ADGRL3: variants seen among roughly 807,000 people sequenced by gnomAD.
The protein encoded by ADGRL3 is adhesion G protein-coupled receptor L3, also known as calcium-independent alpha-latrotoxin receptor 3.
In ADGRL3, 62 loss-of-function variants were observed where a neutral mutation model predicts 153.5. The ratio of observed to expected loss-of-function variants is 0.40; its 90% CI spans 0.33 to 0.50. The LOEUF is 0.50. ADGRL3 is among the 20% of genes least tolerant of loss of function. ADGRL3 has a pLI of 0.47. For missense variants in ADGRL3, 1,641 were observed against 1,859.4 expected, an observed-to-expected ratio of 0.88 and a Z score of 2.16; for synonymous variants, 710 against 672.5, an observed-to-expected ratio of 1.06 and a Z score of -0.86.
At chr4:61,322,280 A>G (rs2095373444) in intron 1 of ADGRL3, among the ~76,000 whole-genome samples, 1 of 152,204 alleles carries the variant, frequency 6.6e-6, no homozygotes, top group African/African-American at 2.4e-5. Flanking sequence ...TGTGGGAATC[A>G]TGGGAGATAC....
intron 1 of ADGRL3, among the ~76,000 whole-genome samples, chr4:61,293,645 G>C (rs116352856): frequency 1.3e-5 from 2 of 152,150 alleles, no homozygotes; most frequent in African/African-American, 4.8e-5. Context: ...TCAGATGACA[G>C]TGTTTTGATT....
intron 13 of ADGRL3, among the ~76,000 whole-genome samples, chr4:61,931,146 T>A (rs2098815866): frequency 6.6e-6 from 1 of 152,162 alleles, no homozygotes; most frequent in South Asian, 2.1e-4. Context: ...GTCACATTAT[T>A]TAAGTCTCTA....
chr4:61,644,295 T>C (rs926959109), intron 5 of ADGRL3, among the ~76,000 whole-genome samples: 2 of 149,134 alleles, frequency 1.3e-5, no homozygotes, highest in Non-Finnish European at 3.0e-5. Context: ...TTCCTTCAGT[T>C]CTGCTCTGAT....
At chr4:62,030,507 A>G (rs1357740149) in intron 22 of ADGRL3, among the ~76,000 whole-genome samples, 1 of 151,590 alleles carries the variant, frequency 6.6e-6, no homozygotes, top group Non-Finnish European at 1.5e-5. Context: ...AGAACATTTT[A>G]TCTTGATATT....
At position 61,732,741 on chromosome 4, in the gene ADGRL3, T is replaced by C. The variant is rs1208710733; in HGVS notation, c.599-13T>C. On this transcript the variant is annotated splice_polypyrimidine_tract_variant and intron_variant, in intron 7 of 26. Transcript: ENST00000683033. ...AATATATTTATTTATTTTAACTGTTTCCCTTCCAACAGTTTTTCTTTGTCC... is the reference window on the plus strand; with the variant it reads ...AATATATTTATTTATTTTAACTGTTCCCCTTCCAACAGTTTTTCTTTGTCC... 4.9e-6 allele frequency: 7 copies of C among 1,414,558 alleles called. No individual in the cohort carries two copies. The African/African-American group carries it at 1.0e-4, about 20-fold the overall frequency. 87.6% of individuals were successfully genotyped at this position (1,414,558 alleles called of 1,614,324 possible).
intron 23 of ADGRL3, among the ~76,000 whole-genome samples, chr4:62,037,254 T>C (rs1401306382): frequency 1.3e-5 from 2 of 152,134 alleles, no homozygotes; most frequent in Non-Finnish European, 2.9e-5. Flanking sequence ...CTTTCTCTGA[T>C]ATTTCTCTCT....
chr4:61,264,839 G>T (rs920354013), intron 1 of ADGRL3, among the ~76,000 whole-genome samples: 5 of 151,800 alleles, frequency 3.3e-5, no homozygotes, highest in African/African-American at 1.2e-4. Flanking sequence ...ATTATGCTTG[G>T]GAAAAAGTGT....
intron 8 of ADGRL3, among the ~76,000 whole-genome samples, chr4:61,793,795 T>C (rs2097372977): frequency 6.6e-6 from 1 of 152,132 alleles, no homozygotes; most frequent in South Asian, 2.1e-4. Flanking sequence ...TTTTATAAAC[T>C]TGATGAAACT....
chr4:61,437,689 T>C (rs999960247), intron 2 of ADGRL3, among the ~76,000 whole-genome samples: 4 of 152,202 alleles, frequency 2.6e-5, no homozygotes, highest in African/African-American at 9.6e-5. Flanking sequence ...TAATTCTATC[T>C]ACTTGATGTA....
intron 6 of ADGRL3, among the ~76,000 whole-genome samples, chr4:61,702,180 C>G (rs567603372): frequency 6.6e-6 from 1 of 152,202 alleles, no homozygotes; most frequent in Admixed American, 6.5e-5. Context: ...TACTCCAGTT[C>G]CTTTTTTCAT....
At chr4:61,828,088 A>C (rs1249907386) in intron 9 of ADGRL3, among the ~76,000 whole-genome samples, 7 of 152,192 alleles carry the variant, frequency 4.6e-5, no homozygotes, top group Admixed American at 4.6e-4. Context: ...TGCCTGCCAG[A>C]ATTTATTTAG....
intron 2 of ADGRL3, among the ~76,000 whole-genome samples, chr4:61,431,320 G>T (rs2097353106): frequency 6.6e-6 from 1 of 152,208 alleles, no homozygotes; most frequent in South Asian, 2.1e-4. Context: ...GGCAGCAGCA[G>T]CTGTCCTCCC....
At chr4:61,674,878 C>T (rs531767906) in intron 5 of ADGRL3, among the ~76,000 whole-genome samples, 3 of 151,984 alleles carry the variant, frequency 2.0e-5, no homozygotes, top group Admixed American at 6.6e-5. Flanking sequence ...ACCAAAACAT[C>T]GAGATAACAT....
At chr4:61,544,079 A>G (rs1376364870) in intron 4 of ADGRL3, among the ~76,000 whole-genome samples, 3 of 152,212 alleles carry the variant, frequency 2.0e-5, no homozygotes, top group Non-Finnish European at 2.9e-5. Context: ...CTTCTTGTGG[A>G]TCAGTGTGAG....
At chr4:62,031,712 C>A in intron 23 of ADGRL3, 102 bp downstream of exon 23, 1 of 790,958 alleles carries the variant, frequency 1.3e-6, no homozygotes, top group South Asian at 2.5e-5. Context: ...TGTTTGTCTA[C>A]AAGAAATAAA....
At chr4:61,477,732 T>A (rs1245046932) in intron 2 of ADGRL3, among the ~76,000 whole-genome samples, 2 of 152,126 alleles carry the variant, frequency 1.3e-5, no homozygotes, top group Non-Finnish European at 2.9e-5. Context: ...ATTTGTGGAT[T>A]GGAGTCAGTA....
chr4:61,358,943 G>C (rs1411396095), intron 1 of ADGRL3, among the ~76,000 whole-genome samples: 1 of 152,032 alleles, frequency 6.6e-6, no homozygotes, highest in Non-Finnish European at 1.5e-5. Context: ...ATTTTTGATA[G>C]GCCCATCCAA....
At chr4:61,226,015 A>G (rs1747791603) in intron 1 of ADGRL3, among the ~76,000 whole-genome samples, 1 of 152,162 alleles carries the variant, frequency 6.6e-6, no homozygotes, top group South Asian at 2.1e-4. Context: ...CAGCTCTCAG[A>G]GTATTCCCCA....
In ADGRL3 at chr4:61,775,290, A is replaced by G. The variant is rs187368095; in HGVS notation, c.1400-38519A>G. On this transcript the variant is annotated intron_variant, in intron 8 of 26. Transcript: ENST00000683033. Reference sequence around the variant, plus strand: ...AGTAGCTCAGTGGATGAACAAGACTATTGATTTAGCTGATAATGTTCTAGA... The same window carrying G: ...AGTAGCTCAGTGGATGAACAAGACTGTTGATTTAGCTGATAATGTTCTAGA... 1.4e-3 allele frequency among the ~76,000 whole-genome samples: 214 copies of G among 151,574 alleles called. 4 individuals carry two copies. Among genetic ancestry groups the G allele is most frequent in the East Asian group, 1.2e-3 (6 of 5,144 alleles).
Sources: allele counts gnomAD v4.1 joint callset (sites outside exome capture counted in the v4.1 genomes callset), GRCh38; gene constraint gnomAD v4.1.1; transcripts MANE v1.5; gene names NCBI Gene and HGNC (gene_info 2026-07-23, HGNC 2026-07-21).